SNAP25: variants seen among roughly 807,000 people sequenced by gnomAD.
SNAP25 encodes synaptosomal-associated protein 25.
Under a neutral mutation model 28.7 loss-of-function variants are expected in SNAP25, and 3 were observed. That is an observed-to-expected ratio of 0.10 (90% CI 0.05 to 0.27). The LOEUF is 0.27. SNAP25 is among the 10% of genes least tolerant of loss of function. The pLI, the probability that SNAP25 is intolerant of heterozygous loss-of-function variation, is 1.00. For synonymous variants in SNAP25, 61 were observed against 88.1 expected, an observed-to-expected ratio of 0.69 and a Z score of 1.72; for missense variants, 117 against 278.7, an observed-to-expected ratio of 0.42 and a Z score of 4.13.
At chr20:10,263,647 G>T (rs1054114426) in intron 1 of SNAP25, among the ~76,000 whole-genome samples, 1 of 152,096 alleles carries the variant, frequency 6.6e-6, no homozygotes, top group African/African-American at 2.4e-5. Context: ...CCCCACAGAA[G>T]ATTACTCATC....
At chr20:10,266,613 A>G (rs777208367) in intron 1 of SNAP25, among the ~76,000 whole-genome samples, 2 of 152,230 alleles carry the variant, frequency 1.3e-5, no homozygotes, top group Non-Finnish European at 2.9e-5. Flanking sequence ...ATTTGATTGG[A>G]TTGAGTTTGA....
At chr20:10,277,390 T>A (rs1031315778) in intron 2 of SNAP25, among the ~76,000 whole-genome samples, 1 of 152,258 alleles carries the variant, frequency 6.6e-6, no homozygotes. Flanking sequence ...ATTCTGAGCA[T>A]GCAAAATTAT....
chr20:10,265,132 G>C (rs362565), intron 1 of SNAP25, among the ~76,000 whole-genome samples: 672 of 152,204 alleles, frequency 4.4e-3, no homozygotes, highest in African/African-American at 0.015. Context: ...TTTGATTTAA[G>C]TAGGAAATAG....
At chr20:10,276,419 T>C (rs1304442041) in intron 2 of SNAP25, among the ~76,000 whole-genome samples, 1 of 152,222 alleles carries the variant, frequency 6.6e-6, no homozygotes, top group East Asian at 1.9e-4. Flanking sequence ...AAAATATTAA[T>C]AATGCAGATT....
intron 1 of SNAP25, among the ~76,000 whole-genome samples, chr20:10,226,933 G>T (rs578085398): frequency 6.6e-6 from 1 of 152,174 alleles, no homozygotes; most frequent in African/African-American, 2.4e-5. Flanking sequence ...GGAGGAAGGG[G>T]TCAAGCTTTA....
intron 1 of SNAP25, among the ~76,000 whole-genome samples, chr20:10,274,731 T>C (rs919334104): frequency 3.3e-5 from 5 of 151,994 alleles, no homozygotes; most frequent in African/African-American, 4.8e-5. Context: ...TAGTCCCAGC[T>C]ACTCGGGAGG....
intron 1 of SNAP25, among the ~76,000 whole-genome samples, chr20:10,257,329 G>T (rs2063334359): frequency 6.6e-6 from 1 of 152,180 alleles, no homozygotes; most frequent in African/African-American, 2.4e-5. Context: ...CCAACACTTT[G>T]GGAAGTTGAG....
intron 1 of SNAP25, among the ~76,000 whole-genome samples, chr20:10,254,409 C>T (rs1409894234): frequency 1.3e-5 from 2 of 152,172 alleles, no homozygotes; most frequent in Non-Finnish European, 2.9e-5. Context: ...TGACCTATCT[C>T]CTCCACTCCC....
At chr20:10,233,112 G>A (rs952555028) in intron 1 of SNAP25, among the ~76,000 whole-genome samples, 3 of 152,066 alleles carry the variant, frequency 2.0e-5, no homozygotes, top group South Asian at 4.2e-4. Context: ...TGAAAATAAG[G>A]GATAACTGGT....
chr20:10,275,662 A>G, intron 2 of SNAP25, 99 bp downstream of exon 2: 2 of 939,250 alleles, frequency 2.1e-6, no homozygotes, highest in Non-Finnish European at 3.1e-6. Flanking sequence ...TCAATGTCTC[A>G]ATTTCTTTTA....
chr20:10,271,056 A>G (rs1421805684), intron 1 of SNAP25, among the ~76,000 whole-genome samples: 1 of 152,192 alleles, frequency 6.6e-6, no homozygotes, highest in African/African-American at 2.4e-5. Context: ...GCCTCGGGGA[A>G]TAGTTTTGAG....
intron 7 of SNAP25, among the ~76,000 whole-genome samples, chr20:10,299,857 T>C (rs6108463): frequency 0.23 from 35,242 of 152,132 alleles, 4,725 homozygotes; most frequent in African/African-American, 0.37. Flanking sequence ...AATCTCAGAA[T>C]AAGTTGACTT....
At chr20:10,277,913 A>G (rs1600738646) in intron 3 of SNAP25, 187 bp downstream of exon 3, 1 of 553,850 alleles carries the variant, frequency 1.8e-6, no homozygotes, top group Non-Finnish European at 3.2e-6. Context: ...AGACACCTTC[A>G]CCCTCCTTCC....
At chr20:10,245,606 A>T (rs1487753903) in intron 1 of SNAP25, among the ~76,000 whole-genome samples, 1 of 152,028 alleles carries the variant, frequency 6.6e-6, no homozygotes, top group East Asian at 1.9e-4. Flanking sequence ...TTACAGTTTC[A>T]CCCCGGGCGT....
chr20:10,282,289 T>G (rs948789692), intron 3 of SNAP25, among the ~76,000 whole-genome samples: 12 of 152,124 alleles, frequency 7.9e-5, no homozygotes, highest in African/African-American at 2.7e-4. Flanking sequence ...CTCAATCTTT[T>G]CAATCTTACT....
intron 1 of SNAP25, among the ~76,000 whole-genome samples, chr20:10,258,186 G>A (rs74989626): frequency 0.026 from 3,983 of 152,194 alleles, 180 homozygotes; most frequent in African/African-American, 0.091. Flanking sequence ...ATTCCTGTGT[G>A]ATAGAAAAAG....
intron 7 of SNAP25, among the ~76,000 whole-genome samples, chr20:10,303,823 A>G (rs573116448): frequency 1.8e-4 from 27 of 152,340 alleles, no homozygotes; most frequent in African/African-American, 6.3e-4. Context: ...TTCATGCTGC[A>G]TATACAGCAA....
intron 1 of SNAP25, among the ~76,000 whole-genome samples, chr20:10,246,522 C>G (rs1568585760): frequency 6.6e-6 from 1 of 152,092 alleles, no homozygotes; most frequent in African/African-American, 2.4e-5. Context: ...GGGAATGAGT[C>G]CTATGGCTAC....
At chr20:10,235,086 A>G (rs1043762022) in intron 1 of SNAP25, among the ~76,000 whole-genome samples, 1 of 151,978 alleles carries the variant, frequency 6.6e-6, no homozygotes, top group Non-Finnish European at 1.5e-5. Flanking sequence ...AAAGTAAATT[A>G]GTTGGGCATG....
Sources: allele counts gnomAD v4.1 joint callset (sites outside exome capture counted in the v4.1 genomes callset), GRCh38; gene constraint gnomAD v4.1.1; transcripts MANE v1.5; gene names NCBI Gene and HGNC (gene_info 2026-07-23, HGNC 2026-07-21).